The following ZNF335 variants were observed in gnomAD, a reference collection of about 807,000 sequenced individuals.
The protein encoded by ZNF335 is NRC-interacting factor 1.
A neutral mutation model predicts 145.6 loss-of-function variants in ZNF335; 84 were observed. The ratio of observed to expected loss-of-function variants is 0.58; its 90% CI spans 0.48 to 0.69. The LOEUF (loss-of-function observed/expected upper bound fraction) is 0.69. Ranked by LOEUF, ZNF335 falls within the 30% of genes least tolerant of loss-of-function variation. ZNF335 has a pLI of 0.00. For missense variants in ZNF335, 1,865 were observed against 1,809.7 expected (o/e 1.03, Z -0.55); for synonymous variants, 761 against 717.0 (o/e 1.06, Z -0.98).
At position 45,967,958 on chromosome 20, in the gene ZNF335, G is replaced by A. The variant is rs2083990722; in HGVS notation, c.590C>T (p.Ala197Val). The A allele has an allele frequency of 2.5e-6, 4 of 1,612,782 alleles. No individual in the cohort carries two copies. The highest frequency in any genetic ancestry group is 3.4e-6 in the Non-Finnish European group (4 of 1,180,042). ...TGTGGATGTGGATGTGGGGCCATCT[G>A]CCAGGGCCTCAATGGCTGCTAGGCT... is the stretch of plus-strand genomic sequence containing the variant. ...AHSLAAIEAL[A>V]DGPTSTSTCL... is the part of the protein sequence containing the mutation. The change falls in exon 5 of 28, where the codon GCA (alanine) becomes GTA (valine). Residue 197 changes from alanine to valine, a missense_variant. Transcript: ENST00000322927.
chr20:45,950,031 G>A lies in ZNF335; in HGVS notation c.3526C>T (p.Arg1176Trp), dbSNP rs1243372395. The change falls in exon 23 of 28, where the codon CGG (arginine) becomes TGG (tryptophan). Residue 1176 changes from arginine (R) to tryptophan (W), a missense_variant. Transcript: ENST00000322927. ...QSSHGVLGPERLQQALSQEHI... is the reference protein window; with the variant it reads ...QSSHGVLGPEWLQQALSQEHI... ...TCCTGGCTCAGTGCCTGCTGTAGCC[G>A]CTCTGGGCCCAGGACCCCGTGACTG... 2.5e-6 allele frequency: 4 copies of A among 1,614,044 alleles called. No homozygotes were observed. The highest frequency in any genetic ancestry group is 1.7e-5 in the Admixed American group (1 of 60,004).
chr20:45,966,132 C>T lies in ZNF335; in HGVS notation c.956-358G>A, dbSNP rs114781450. Among the ~76,000 whole-genome samples the T allele has an allele frequency of 2.6e-3, 394 of 152,198 alleles. 4 individuals carry two copies. Among genetic ancestry groups the T allele is most frequent in the African/African-American group, 9.3e-3 (385 of 41,510 alleles). Reference sequence around the variant, plus strand: ...CCTATCCAAAACAGCTGCCACCAGCCATATGTAGCTATTGAGCCCTTGAAA... The same window carrying T: ...CCTATCCAAAACAGCTGCCACCAGCTATATGTAGCTATTGAGCCCTTGAAA... On this transcript the variant is annotated intron_variant, in intron 6 of 27. Coordinates refer to ENST00000322927, the MANE Select transcript of ZNF335 (RefSeq NM_022095.4).
At chr20:45,971,927 C>T (rs1401015439) in intron 1 of ZNF335, 195 bp downstream of exon 1, 2 of 985,338 alleles carry the variant, frequency 2.0e-6, no homozygotes, top group African/African-American at 3.5e-5. Context: ...TGCCTGTGCT[C>T]CAGGCCCGAC....
At chr20:45,966,300 G>A (rs1318494567) in intron 6 of ZNF335, among the ~76,000 whole-genome samples, 2 of 151,504 alleles carry the variant, frequency 1.3e-5, no homozygotes, top group African/African-American at 2.4e-5. Context: ...GGATGGTCTC[G>A]ATCTCCTGAC....
At chr20:45,951,134 C>T (rs1015826832) in intron 20 of ZNF335, among the ~76,000 whole-genome samples, 11 of 152,230 alleles carry the variant, frequency 7.2e-5, no homozygotes, top group South Asian at 2.1e-4. Context: ...TCAGGTGATC[C>T]GCCTGCCTCG....
intron 9 of ZNF335, among the ~76,000 whole-genome samples, chr20:45,962,801 G>GTTTTTT (rs1445107629): frequency 1.6e-4 from 15 of 93,546 alleles, no homozygotes; most frequent in African/African-American, 2.9e-4. Context: ...AAAAGGAACC[G>GTTTTTT]TTTTTTTTTT....
At position 45,960,374 on chromosome 20, in the gene ZNF335, G is replaced by A. The variant is rs774481434; in HGVS notation, c.1860-6C>T. 1.9e-5 allele frequency: 31 copies of A among 1,614,138 alleles called. 1 individual carries two copies. The highest frequency in any genetic ancestry group is 6.7e-5 in the Admixed American group (4 of 60,016). Reference sequence around the variant, plus strand: ...CACAGAACTCACACTTGAACCTGGAGGCGGTTAGAGGGAGGGAAGCTCAGT... The same window carrying A: ...CACAGAACTCACACTTGAACCTGGAAGCGGTTAGAGGGAGGGAAGCTCAGT... On this transcript the variant is annotated splice_region_variant and splice_polypyrimidine_tract_variant and intron_variant, in intron 13 of 27. Transcript: ENST00000322927.
chr20:45,953,562 C>G (rs1368916256), intron 18 of ZNF335, 127 bp downstream of exon 18: 3 of 1,267,438 alleles, frequency 2.4e-6, no homozygotes, highest in Non-Finnish European at 3.3e-6. Flanking sequence ...GTAGACTCCA[C>G]CACTAATCAC....
chr20:45,969,684 ACCT>A lies in ZNF335; in HGVS notation c.206_208del (p.Glu69del). The A allele has an allele frequency of 6.2e-7, 1 of 1,610,990 alleles. No homozygotes were observed. On this transcript the variant is annotated inframe_deletion, in exon 3 of 28. Coordinates refer to ENST00000322927, the MANE Select transcript of ZNF335 (RefSeq NM_022095.4). The stretch of plus-strand genomic sequence containing the variant: ...GTCTGCGCTCGAGCTGCTCTCAGAT[ACCT>A]CCTCCTGAGGGGCATGAAACAGGGA...
chr20:45,967,252 A>G (rs1306021213), intron 6 of ZNF335: 3 of 574,454 alleles, frequency 5.2e-6, no homozygotes, highest in South Asian at 2.1e-5. Flanking sequence ...TCGCACCTTT[A>G]CTTGTATTCT....
chr20:45,971,470 G>C lies in ZNF335; in HGVS notation c.-50-10C>G. ...GTCTGGGAACTTCACTCTGAGAAGA[G>C]AGGTGACCGTGGCTGGAACAAGTGG... On this transcript the variant is annotated splice_polypyrimidine_tract_variant and intron_variant, in intron 1 of 27. Transcript: ENST00000322927. 6.3e-7 allele frequency: 1 copy of C among 1,580,640 alleles called. No homozygotes were observed.
At position 45,967,618 on chromosome 20, in the gene ZNF335, T is replaced by TGCTGCG. The variant is rs772020773; in HGVS notation, c.825_830dup (p.Ala278_Ala279dup). Reference sequence around the variant, plus strand: ...GTAGACGTCCTTTTTTACCAGCTGCTGCTGCGGCTGCTGCTACTGGAAGTG... The same window carrying TGCTGCG: ...GTAGACGTCCTTTTTTACCAGCTGCTGCTGCGGCTGCGGCTGCTGCTACTGGAAGTG... On this transcript the variant is annotated inframe_insertion, in exon 6 of 28. Coordinates refer to ENST00000322927, the MANE Select transcript of ZNF335 (RefSeq NM_022095.4). 27 of 1,613,984 alleles carry TGCTGCG rather than the reference T, an allele frequency of 1.7e-5. No homozygotes were observed. Among genetic ancestry groups the TGCTGCG allele is most frequent in the Non-Finnish European group, 2.1e-5 (25 of 1,179,988 alleles).
intron 15 of ZNF335, among the ~76,000 whole-genome samples, chr20:45,958,201 C>T (rs1372520635): frequency 2.0e-5 from 3 of 152,110 alleles, no homozygotes; most frequent in Admixed American, 6.5e-5. Flanking sequence ...GTGGCCGCCA[C>T]CACACCCAGC....
intron 3 of ZNF335, among the ~76,000 whole-genome samples, chr20:45,969,212 G>A (rs1370839270): frequency 1.3e-5 from 2 of 152,250 alleles, no homozygotes; most frequent in Non-Finnish European, 2.9e-5. Flanking sequence ...TGGGCACAAG[G>A]TAAGCAATAA....
intron 16 of ZNF335, 50 bp from the exon 17 acceptor site, chr20:45,957,730 C>T: frequency 6.2e-7 from 1 of 1,606,432 alleles, no homozygotes. Context: ...AACTGGCACC[C>T]AATACCACCC....
In ZNF335 at chr20:45,959,444, A is replaced by G. The variant is rs766083358; in HGVS notation, c.2021-11T>C. 5 of 1,425,922 alleles carry G rather than the reference A, an allele frequency of 3.5e-6. No individual in the cohort carries two copies. Among genetic ancestry groups the G allele is most frequent in the Non-Finnish European group, 4.7e-6 (5 of 1,074,028 alleles). The allele number at this position is 1,425,922 out of a possible 1,614,324, so 88.3% of individuals were successfully genotyped here. A position where few individuals can be genotyped will look rare whatever the true frequency, so the allele number is the denominator to read the frequency against. ...CGAAGGGCTTGGCCCCTGGAGGCAC[A>G]TGTTGGGGCATGCTTAAGTCTGCCC... On this transcript the variant is annotated splice_polypyrimidine_tract_variant and intron_variant, in intron 14 of 27. Coordinates refer to ENST00000322927, the MANE Select transcript of ZNF335 (RefSeq NM_022095.4).
In ZNF335 at chr20:45,950,436, C is replaced by T; in HGVS notation, c.3332+17G>A. 2 of 1,614,106 alleles carry T rather than the reference C, an allele frequency of 1.2e-6. No individual in the cohort carries two copies. Among genetic ancestry groups the T allele is most frequent in the Non-Finnish European group, 1.7e-6 (2 of 1,179,954 alleles). On this transcript the variant is annotated intron_variant, in intron 21 of 27. Coordinates refer to ENST00000322927, the MANE Select transcript of ZNF335 (RefSeq NM_022095.4). Reference sequence around the variant, plus strand: ...ATACATGCCCAGCAGTCCCCACCCACCAGTATCTGGCCTCACCGCTGCCCG... The same window carrying T: ...ATACATGCCCAGCAGTCCCCACCCATCAGTATCTGGCCTCACCGCTGCCCG...
At chr20:45,962,783 T>C (rs1461136420) in intron 9 of ZNF335, among the ~76,000 whole-genome samples, 1 of 151,106 alleles carries the variant, frequency 6.6e-6, no homozygotes, top group Non-Finnish European at 1.5e-5. Context: ...TAGCTTGTGT[T>C]AAGGAGAAAA....
chr20:45,963,363 G>C (rs1233910032), intron 9 of ZNF335, 110 bp downstream of exon 9: 4 of 1,256,104 alleles, frequency 3.2e-6, no homozygotes, highest in Non-Finnish European at 4.4e-6. Flanking sequence ...AGCAGCAGGA[G>C]AGCGTGACCC....
Sources: allele counts gnomAD v4.1 joint callset (sites outside exome capture counted in the v4.1 genomes callset), GRCh38; gene constraint gnomAD v4.1.1; transcripts MANE v1.5; gene names NCBI Gene and HGNC (gene_info 2026-07-23, HGNC 2026-07-21).